Variants in GOLGB1 observed in about 807,000 individuals in gnomAD.
GOLGB1 encodes golgin subfamily B member 1.
GOLGB1 carries 174 observed loss-of-function variants against 336.9 expected under a neutral mutation model. The ratio of observed to expected loss-of-function variants is 0.52; its 90% CI spans 0.46 to 0.59. The LOEUF is 0.59. Ranked by LOEUF, GOLGB1 falls within the 20% of genes least tolerant of loss-of-function variation. The pLI, the probability that GOLGB1 is intolerant of heterozygous loss-of-function variation, is 0.00. For synonymous variants in GOLGB1, 1,208 were observed against 1,289.2 expected, an observed-to-expected ratio of 0.94 and a Z score of 1.35; for missense variants, 3,331 against 3,645.3, an observed-to-expected ratio of 0.91 and a Z score of 2.22.
At chr3:121,684,127 C>CAAAAAAAAAAAAAAAA (rs61510295) in intron 14 of GOLGB1, among the ~76,000 whole-genome samples, 4 of 10,912 alleles carry the variant, frequency 3.7e-4, no homozygotes, top group South Asian at 3.7e-3. Context: ...GACGCCGTCT[C>CAAAAAAAAAAAAAAAA]AAAAAAAAAA....
At chr3:121,715,037 T>C (rs1157915935) in intron 9 of GOLGB1, 61 bp from the exon 10 acceptor site, 1 of 913,458 alleles carries the variant, frequency 1.1e-6, no homozygotes, top group African/African-American at 1.6e-5. Flanking sequence ...TAGTTATTAT[T>C]ATCTTCTAAA....
Position 121,725,108 on chromosome 3 carries a change from A to T in GOLGB1, c.531+1805T>A, listed in dbSNP as rs900970326. On this transcript the variant is annotated intron_variant, in intron 5 of 21. Coordinates refer to ENST00000614479, the MANE Select transcript of GOLGB1 (RefSeq NM_001366282.2). ...AGGCAGAACCACCACAGAGAGCCCC[A>T]CTAGAGCAATGCCAAGGGGAAATGA... 1.1e-4 allele frequency among the ~76,000 whole-genome samples: 17 copies of T among 152,304 alleles called. No individual in the cohort carries two copies. The South Asian group carries it at 3.5e-3, about 32-fold the overall frequency.
chr3:121,722,554 A>G (rs957751191), intron 5 of GOLGB1, among the ~76,000 whole-genome samples, 176 bp from the exon 6 acceptor site: 1 of 152,250 alleles, frequency 6.6e-6, no homozygotes, highest in Non-Finnish European at 1.5e-5. Context: ...TGTCAGAAGA[A>G]GACAGAAGCA....
intron 10 of GOLGB1, among the ~76,000 whole-genome samples, chr3:121,707,196 C>T (rs1943934733): frequency 7.5e-6 from 1 of 133,556 alleles, no homozygotes; most frequent in Non-Finnish European, 1.6e-5. Flanking sequence ...CACTGCCCTC[C>T]AGCCTGGTGA....
In GOLGB1 at chr3:121,694,699, T is replaced by C; in HGVS notation, c.5824A>G (p.Ile1942Val). 1 of 1,612,000 alleles carries C rather than the reference T, an allele frequency of 6.2e-7. No homozygotes were observed. Among genetic ancestry groups the C allele is most frequent in the Non-Finnish European group, 8.5e-7 (1 of 1,179,864 alleles). The change falls in exon 13 of 22, where the codon ATT (isoleucine) becomes GTT (valine). Residue 1942 changes from isoleucine to valine, a missense_variant. Coordinates refer to ENST00000614479, the MANE Select transcript of GOLGB1 (RefSeq NM_001366282.2). Reference sequence around the variant, plus strand: ...GTAACATCCTGACAGTAATTCCCAATGCTTCCATTAAGTTCTGCTAATTGA... The same window carrying C: ...GTAACATCCTGACAGTAATTCCCAACGCTTCCATTAAGTTCTGCTAATTGA... ...MNQLAELNGSIGNYCQDVTDA... is the reference protein window; with the variant it reads ...MNQLAELNGSVGNYCQDVTDA...
rs772517052 is a variant in GOLGB1, at chr3:121,697,627, G to C, written c.2896C>G (p.Gln966Glu). 1 of 1,612,560 alleles carries C rather than the reference G, an allele frequency of 6.2e-7. No homozygotes were observed. The highest frequency in any genetic ancestry group is 1.1e-5 in the South Asian group (1 of 90,892). ...EDNEVSSGLK[Q>E]NYDEMSPAGQ... ...GCTGGGCTCATCTCATCATAATTTTGTTTAAGGCCAGAAGAAACTTCATTA... is the reference window on the plus strand; with the variant it reads ...GCTGGGCTCATCTCATCATAATTTTCTTTAAGGCCAGAAGAAACTTCATTA... Residue 966 changes from glutamine to glutamate, a missense_variant, in exon 13 of 22, where the codon CAA becomes GAA. By Grantham distance (29) the Gln-to-Glu change is conservative (BLOSUM62 2). Transcript: ENST00000614479.
chr3:121,747,072 T>TAC, intron 1 of GOLGB1, among the ~76,000 whole-genome samples: 1 of 147,664 alleles, frequency 6.8e-6, no homozygotes, highest in Admixed American at 6.8e-5. Flanking sequence ...TTCATATTAG[T>TAC]ATGGCCCCAA....
chr3:121,712,621 AC>A (rs1199109345), intron 10 of GOLGB1, among the ~76,000 whole-genome samples: 2 of 152,154 alleles, frequency 1.3e-5, no homozygotes, highest in Non-Finnish European at 2.9e-5. Flanking sequence ...TAAAAAGACA[AC>A]TCAAATTTAA....
intron 6 of GOLGB1, among the ~76,000 whole-genome samples, chr3:121,721,032 TAGGTTAAA>T (rs1386974315): frequency 6.6e-6 from 1 of 152,186 alleles, no homozygotes; most frequent in Non-Finnish European, 1.5e-5. Flanking sequence ...TAGCAACACA[TAGGTTAAA>T]AACCATATTT....
intron 1 of GOLGB1, among the ~76,000 whole-genome samples, chr3:121,740,338 G>C (rs1288962769): frequency 6.6e-6 from 1 of 152,106 alleles, no homozygotes; most frequent in Admixed American, 6.6e-5. Context: ...AAAGAGCTCT[G>C]ATTATTTCCT....
intron 5 of GOLGB1, among the ~76,000 whole-genome samples, chr3:121,726,656 A>G (rs939030900): frequency 6.6e-6 from 1 of 152,100 alleles, no homozygotes; most frequent in Non-Finnish European, 1.5e-5. Flanking sequence ...CAACAAACAA[A>G]AAAACAAACT....
chr3:121,740,422 T>C (rs1447594919), intron 1 of GOLGB1, among the ~76,000 whole-genome samples: 1 of 152,194 alleles, frequency 6.6e-6, no homozygotes, highest in Non-Finnish European at 1.5e-5. Flanking sequence ...AAATGCAACA[T>C]GATATCCTGA....
At chr3:121,747,806 T>G (rs1348698056) in intron 1 of GOLGB1, among the ~76,000 whole-genome samples, 1 of 152,024 alleles carries the variant, frequency 6.6e-6, no homozygotes, top group Non-Finnish European at 1.5e-5. Flanking sequence ...AGAAAAAGAC[T>G]TTTTTTACAT....
intron 20 of GOLGB1, among the ~76,000 whole-genome samples, chr3:121,665,388 G>A (rs374905229): frequency 2.8e-4 from 42 of 151,358 alleles, no homozygotes; most frequent in African/African-American, 9.1e-4. Flanking sequence ...GCCAGTAAGC[G>A]GCAGAGCCAG....
chr3:121,695,058 G>A lies in GOLGB1; in HGVS notation c.5465C>T (p.Ser1822Leu), dbSNP rs1332096335. ...TACAGCAGGGTTGGCACTCTTCGCT[G>A]ATGGAACCGATTCTGAACATGTAGG... ...TRPTCSESVP[S>L]AKSANPAVSK... is the part of the protein sequence containing the mutation. The change falls in exon 13 of 22, where the codon TCA becomes TTA. Residue 1822 changes from serine to leucine, a missense_variant. Coordinates refer to ENST00000614479, the MANE Select transcript of GOLGB1 (RefSeq NM_001366282.2). The A allele has an allele frequency of 8.1e-6, 13 of 1,613,936 alleles. No homozygotes were observed. The highest frequency in any genetic ancestry group is 1.3e-5 in the African/African-American group (1 of 74,884).
rs1560242295 is a variant in GOLGB1 at position 121,697,961 on chromosome 3, C to G, written c.2562G>C (p.Glu854Asp). 8.7e-6 allele frequency: 14 copies of G among 1,614,138 alleles called. No homozygotes were observed. Among genetic ancestry groups the G allele is most frequent in the Non-Finnish European group, 1.2e-5 (14 of 1,179,996 alleles). Residue 854 changes from glutamate to aspartate, a missense_variant, in exon 13 of 22, where the codon GAG (glutamate) becomes GAC (aspartate). By Grantham distance (45) the Glu-to-Asp change is conservative. Coordinates refer to ENST00000614479, the MANE Select transcript of GOLGB1 (RefSeq NM_001366282.2). ...AGATATGCCTTACACGTTCTGCCCC[C>G]TCAAGCACTTCACTTTCCTTATTTT... ...QLQNKESEVLEGAERVRHISS... is the reference protein window; with the variant it reads ...QLQNKESEVLDGAERVRHISS...
chr3:121,664,715 G>T, intron 21 of GOLGB1, 101 bp from the exon 22 acceptor site: 2 of 1,109,088 alleles, frequency 1.8e-6, no homozygotes, highest in Non-Finnish European at 1.4e-6. Context: ...CCCAACCACT[G>T]TAGAAAGGGG....
chr3:121,746,453 C>CTTTA (rs10530584), intron 1 of GOLGB1, among the ~76,000 whole-genome samples: 3,872 of 150,936 alleles, frequency 0.026, 81 homozygotes, highest in African/African-American at 0.046. Flanking sequence ...ATTTAACTCA[C>CTTTA]TTTATTTATT....
chr3:121,744,034 G>T (rs1271269370), intron 1 of GOLGB1, among the ~76,000 whole-genome samples: 1 of 152,006 alleles, frequency 6.6e-6, no homozygotes, highest in Non-Finnish European at 1.5e-5. Flanking sequence ...GTTTCTGATT[G>T]ACCCTCCCTA....
Sources: gnomAD v4.1 joint callset for allele counts (sites outside exome capture counted in the v4.1 genomes callset) on GRCh38, gnomAD v4.1.1 for gene constraint, MANE v1.5 for transcripts, NCBI Gene and HGNC (gene_info 2026-07-23, HGNC 2026-07-21) for gene names.